PDE11A: variants seen among roughly 807,000 people sequenced by gnomAD.
The protein encoded by PDE11A is phosphodiesterase 11A.
In PDE11A, 100 loss-of-function variants were observed where a neutral mutation model predicts 100.5. The ratio of observed to expected loss-of-function variants is 1.00; its 90% CI spans 0.85 to 1.18. The LOEUF (loss-of-function observed/expected upper bound fraction) is 1.18, where lower values mean the gene tolerates loss of function less well. Ranked by LOEUF, PDE11A falls within the 50% of genes most tolerant of loss-of-function variation. PDE11A has a pLI of 0.00. For missense variants in PDE11A, 1,141 were observed against 1,152.6 expected, an observed-to-expected ratio of 0.99 and a Z score of 0.15; for synonymous variants, 381 against 420.8, an observed-to-expected ratio of 0.91 and a Z score of 1.16.
intron 6 of PDE11A, among the ~76,000 whole-genome samples, chr2:177,829,163 T>C (rs1289463403): frequency 2.0e-5 from 3 of 151,968 alleles, no homozygotes; most frequent in Admixed American, 6.5e-5. Context: ...GTTGCCTCAA[T>C]AGAGATATGG....
intron 9 of PDE11A, among the ~76,000 whole-genome samples, chr2:177,799,548 GA>G (rs1347140386): frequency 6.6e-6 from 1 of 152,068 alleles, no homozygotes; most frequent in African/African-American, 2.4e-5. Flanking sequence ...TGAAAACCTA[GA>G]AACCATCAAT....
chr2:177,932,220 C>T (rs956542783), intron 2 of PDE11A, among the ~76,000 whole-genome samples: 1 of 152,108 alleles, frequency 6.6e-6, no homozygotes, highest in Admixed American at 6.5e-5. Context: ...TTGAATTCTA[C>T]CAGATGTACA....
intron 10 of PDE11A, among the ~76,000 whole-genome samples, chr2:177,759,427 AG>A (rs2105487774): frequency 6.6e-6 from 1 of 152,312 alleles, no homozygotes; most frequent in African/African-American, 2.4e-5. Flanking sequence ...AATAGTCTCT[AG>A]TTCATAAGTG....
chr2:177,799,695 T>A (rs1227672352), intron 9 of PDE11A, among the ~76,000 whole-genome samples: 1 of 152,064 alleles, frequency 6.6e-6, no homozygotes, highest in East Asian at 1.9e-4. Flanking sequence ...GCAGTCCCCC[T>A]TGGTCTGAAA....
chr2:177,971,909 G>C (rs1026634700), intron 2 of PDE11A, among the ~76,000 whole-genome samples: 2 of 151,906 alleles, frequency 1.3e-5, no homozygotes, highest in African/African-American at 4.8e-5. Flanking sequence ...TGATTACCCA[G>C]TAGTGACTTT....
At chr2:177,797,848 C>G (rs1372956593) in intron 9 of PDE11A, among the ~76,000 whole-genome samples, 1 of 152,166 alleles carries the variant, frequency 6.6e-6, no homozygotes, top group Non-Finnish European at 1.5e-5. Context: ...TTATGAAATA[C>G]TAAGATAAAT....
intron 4 of PDE11A, among the ~76,000 whole-genome samples, chr2:177,885,222 G>GTA (rs1553486011): frequency 4.2e-4 from 64 of 151,798 alleles, no homozygotes; most frequent in Admixed American, 1.8e-3. Context: ...GTGTGTGTGT[G>GTA]TATATATAGT....
chr2:177,982,166 A>G (rs991207110), intron 2 of PDE11A, among the ~76,000 whole-genome samples: 3 of 150,908 alleles, frequency 2.0e-5, no homozygotes, highest in African/African-American at 7.3e-5. Flanking sequence ...TTACTAATCA[A>G]AATGAATCCT....
chr2:177,859,524 A>G (rs913686880), intron 5 of PDE11A, among the ~76,000 whole-genome samples: 11 of 152,014 alleles, frequency 7.2e-5, no homozygotes, highest in African/African-American at 2.7e-4. Flanking sequence ...CAATAATAAT[A>G]GTGGAGCCTT....
At position 177,657,452 on chromosome 2, in the gene PDE11A, A is replaced by T. The variant is rs1457283442; in HGVS notation, c.2646+6414T>A. ...CCCTACTTGTAGCTTTGCAAGGTGA[A>T]GTGGCTTTCTACATTTCAGAACTCT... On this transcript the variant is annotated intron_variant, in intron 19 of 19. Coordinates refer to ENST00000286063, the MANE Select transcript of PDE11A (RefSeq NM_016953.4). Among the ~76,000 whole-genome samples the T allele has an allele frequency of 7.2e-5, 11 of 152,344 alleles. No homozygotes were observed. The East Asian group carries it at 1.9e-3, about 27-fold the overall frequency.
intron 15 of PDE11A, among the ~76,000 whole-genome samples, chr2:177,695,644 G>A (rs2081100540): frequency 1.3e-5 from 2 of 152,060 alleles, no homozygotes; most frequent in Admixed American, 6.5e-5. Flanking sequence ...CCTCTCCTCA[G>A]TTCAGAGCTC....
chr2:177,998,121 C>T, intron 2 of PDE11A: 1 of 1,252,928 alleles, frequency 8.0e-7, no homozygotes, highest in Non-Finnish European at 1.2e-6. Context: ...CCTGTTCAGC[C>T]ACCAACTTTA....
chr2:177,994,963 A>G (rs1286513435), intron 2 of PDE11A, among the ~76,000 whole-genome samples: 2 of 152,168 alleles, frequency 1.3e-5, no homozygotes, highest in East Asian at 1.9e-4. Flanking sequence ...GAAGTTGTGC[A>G]CTATTGTCTT....
intron 6 of PDE11A, among the ~76,000 whole-genome samples, chr2:177,840,027 C>T (rs76007948): frequency 0.011 from 1,740 of 152,166 alleles, 30 homozygotes; most frequent in African/African-American, 0.04. Flanking sequence ...AAAATATACC[C>T]AATCATAAAC....
intron 17 of PDE11A, among the ~76,000 whole-genome samples, chr2:177,674,866 C>T (rs1005397106): frequency 6.6e-6 from 1 of 152,118 alleles, no homozygotes; most frequent in African/African-American, 2.4e-5. Flanking sequence ...TAACGATTAA[C>T]CTCTAAATAC....
intron 1 of PDE11A, among the ~76,000 whole-genome samples, chr2:178,045,544 C>T (rs965697816): frequency 1.3e-5 from 2 of 152,196 alleles, no homozygotes; most frequent in African/African-American, 4.8e-5. Flanking sequence ...GTTAAGAGTA[C>T]AAACTGTGGC....
chr2:177,860,519 G>A (rs1476396584), intron 5 of PDE11A, among the ~76,000 whole-genome samples: 4 of 151,672 alleles, frequency 2.6e-5, no homozygotes, highest in South Asian at 4.1e-4. Flanking sequence ...TTCACCAAAT[G>A]TTTAAAGAAG....
At chr2:177,856,193 C>A (rs1025892062) in intron 5 of PDE11A, among the ~76,000 whole-genome samples, 9 of 152,020 alleles carry the variant, frequency 5.9e-5, no homozygotes, top group Admixed American at 2.0e-4. Context: ...AGTTGCCAAA[C>A]CCTCCCAAAA....
At chr2:177,918,730 T>G (rs2084990749) in intron 2 of PDE11A, among the ~76,000 whole-genome samples, 1 of 152,176 alleles carries the variant, frequency 6.6e-6, no homozygotes, top group African/African-American at 2.4e-5. Context: ...TGATGTAAAC[T>G]TGTATATTTT....
Sources: allele counts gnomAD v4.1 joint callset (sites outside exome capture counted in the v4.1 genomes callset), GRCh38; gene constraint gnomAD v4.1.1; transcripts MANE v1.5; gene names NCBI Gene and HGNC (gene_info 2026-07-23, HGNC 2026-07-21).